The following PSMA1 variants were observed in gnomAD, a reference collection of about 807,000 sequenced individuals.
PSMA1 encodes proteasome 20S subunit alpha 1.
In PSMA1, 3 loss-of-function variants were observed where a neutral mutation model predicts 38.4. The observed-to-expected ratio is 0.08, with a 90% confidence interval of 0.04 to 0.20. The LOEUF is 0.20. Among genes scored for constraint, PSMA1 ranks in the 10% least tolerant of loss-of-function variants. The pLI, the probability that PSMA1 is intolerant of heterozygous loss-of-function variation, is 1.00. For synonymous variants in PSMA1, 101 were observed against 107.1 expected (o/e 0.94, Z 0.35); for missense variants, 227 against 325.3 (o/e 0.70, Z 2.32).
intron 1 of PSMA1, among the ~76,000 whole-genome samples, chr11:14,620,850 T>C (rs951208024): frequency 4.6e-5 from 7 of 152,174 alleles, no homozygotes; most frequent in Non-Finnish European, 4.4e-5. Flanking sequence ...ATTGTGAAAA[T>C]TGTTGGGAAA....
intron 2 of PSMA1, among the ~76,000 whole-genome samples, chr11:14,558,830 G>A (rs1851972497): frequency 6.6e-6 from 1 of 152,200 alleles, no homozygotes. Context: ...GAAATCTACT[G>A]GTTAGGAACA....
At chr11:14,605,527 G>A (rs980197026) in intron 2 of PSMA1, among the ~76,000 whole-genome samples, 3 of 152,060 alleles carry the variant, frequency 2.0e-5, no homozygotes, top group African/African-American at 7.2e-5. Flanking sequence ...AGGACTACAG[G>A]CATGCAACAC....
chr11:14,518,873 A>C, intron 2 of PSMA1, 124 bp downstream of exon 2: 1 of 771,100 alleles, frequency 1.3e-6, no homozygotes, highest in African/African-American at 1.8e-5. Context: ...TATAAATGCA[A>C]CTTCCAAGAA....
chr11:14,565,313 C>T (rs566364087), intron 2 of PSMA1, among the ~76,000 whole-genome samples: 115 of 152,156 alleles, frequency 7.6e-4, no homozygotes, highest in African/African-American at 2.7e-3. Context: ...AGAGGTTTAT[C>T]AGTTTTACCG....
intron 2 of PSMA1, among the ~76,000 whole-genome samples, chr11:14,592,283 G>T (rs1158734594): frequency 6.6e-6 from 1 of 151,888 alleles, no homozygotes; most frequent in African/African-American, 2.4e-5. Context: ...AGGACCTTCC[G>T]CTGCTCGCTC....
chr11:14,618,194 C>T (rs1017988295), intron 1 of PSMA1, among the ~76,000 whole-genome samples: 2 of 152,090 alleles, frequency 1.3e-5, no homozygotes, highest in Admixed American at 1.3e-4. Context: ...GTGATTATTC[C>T]TCTTACTTCT....
At chr11:14,623,487 T>C (rs1852874070) in intron 1 of PSMA1, among the ~76,000 whole-genome samples, 1 of 152,200 alleles carries the variant, frequency 6.6e-6, no homozygotes, top group Non-Finnish European at 1.5e-5. Context: ...AAATAGCCAA[T>C]GTCCTGGCTG....
At chr11:14,519,477 A>C (rs1851491430) in intron 1 of PSMA1, among the ~76,000 whole-genome samples, 1 of 152,194 alleles carries the variant, frequency 6.6e-6, no homozygotes, top group Non-Finnish European at 1.5e-5. Flanking sequence ...ATACTCCCAC[A>C]GCTCTTTATC....
chr11:14,621,150 T>C (rs1038911178), intron 1 of PSMA1, among the ~76,000 whole-genome samples: 11 of 152,236 alleles, frequency 7.2e-5, no homozygotes, highest in African/African-American at 1.7e-4. Flanking sequence ...GAAAACACCA[T>C]TTTTGTGAAA....
intron 2 of PSMA1, among the ~76,000 whole-genome samples, chr11:14,575,659 T>C (rs1396631040): frequency 6.6e-6 from 1 of 152,196 alleles, no homozygotes; most frequent in African/African-American, 2.4e-5. Flanking sequence ...CAGTCTATCA[T>C]TGTTGGACAT....
rs547694068 is a variant in PSMA1, at chr11:14,525,831, A to C, written c.22-6790T>G. On this transcript the variant is annotated intron_variant, in intron 2 of 10. Transcript: ENST00000418988. ...CTGGGCTGTGCTGCCGCAAGGCTTCAGGGACAGCCCTCATTACTTCAGCCA... is the reference window on the plus strand; with the variant it reads ...CTGGGCTGTGCTGCCGCAAGGCTTCCGGGACAGCCCTCATTACTTCAGCCA... Among the ~76,000 whole-genome samples the C allele has an allele frequency of 2.0e-5, 3 of 152,278 alleles. No individual in the cohort carries two copies. In the South Asian group the frequency reaches 6.2e-4, roughly 32 times the overall value.
At chr11:14,584,795 TC>T in intron 2 of PSMA1, among the ~76,000 whole-genome samples, 1 of 152,354 alleles carries the variant, frequency 6.6e-6, no homozygotes, top group Non-Finnish European at 1.5e-5. Context: ...TTGGTTCTCT[TC>T]CTCATATGCC....
chr11:14,588,734 A>G (rs755859094), intron 2 of PSMA1, among the ~76,000 whole-genome samples: 18 of 152,212 alleles, frequency 1.2e-4, no homozygotes, highest in Non-Finnish European at 2.5e-4. Flanking sequence ...GAAAAAATAT[A>G]CATTCTTTAT....
intron 2 of PSMA1, among the ~76,000 whole-genome samples, chr11:14,538,779 G>A (rs1851739344): frequency 6.6e-6 from 1 of 152,240 alleles, no homozygotes; most frequent in African/African-American, 2.4e-5. Context: ...AGACCATGCG[G>A]TCTGTCCTGT....
intron 1 of PSMA1, among the ~76,000 whole-genome samples, chr11:14,634,252 G>A (rs116212192): frequency 8.5e-5 from 13 of 152,242 alleles, no homozygotes; most frequent in African/African-American, 2.9e-4. Context: ...AAAAGGTTGG[G>A]ACTGCTGTTT....
At chr11:14,540,417 T>C (rs184195493) in intron 2 of PSMA1, among the ~76,000 whole-genome samples, 1 of 152,336 alleles carries the variant, frequency 6.6e-6, no homozygotes, top group East Asian at 1.9e-4. Flanking sequence ...ACGATATTGC[T>C]TATGGTTCAG....
At chr11:14,612,516 TTAGA>T (rs1025719485) in intron 1 of PSMA1, among the ~76,000 whole-genome samples, 8 of 152,024 alleles carry the variant, frequency 5.3e-5, no homozygotes, top group Non-Finnish European at 8.8e-5. Context: ...TAAAGAAACA[TTAGA>T]TAAAGCAGAA....
intron 1 of PSMA1, among the ~76,000 whole-genome samples, chr11:14,616,229 C>T (rs1829757): frequency 0.99 from 146,535 of 147,622 alleles, 72,739 homozygotes; most frequent in Middle Eastern, 1. Flanking sequence ...AGGATCCCAA[C>T]AGTTTTTTTT....
At chr11:14,552,572 T>C (rs1189688706) in intron 2 of PSMA1, among the ~76,000 whole-genome samples, 1 of 152,126 alleles carries the variant, frequency 6.6e-6, no homozygotes, top group Non-Finnish European at 1.5e-5. Flanking sequence ...TCTATGGTAA[T>C]AAGTGCTATT....
Sources: allele counts gnomAD v4.1 joint callset (sites outside exome capture counted in the v4.1 genomes callset), GRCh38; gene constraint gnomAD v4.1.1; transcripts MANE v1.5; gene names NCBI Gene and HGNC (gene_info 2026-07-23, HGNC 2026-07-21).